UNC80: variants seen among roughly 807,000 people sequenced by gnomAD.
UNC80 encodes the protein unc-80 subunit of NALCN channel complex, also known as protein unc-80 homolog.
Under a neutral mutation model 384.6 loss-of-function variants are expected in UNC80, and 164 were observed. That is an observed-to-expected ratio of 0.43 (90% confidence interval 0.38 to 0.49). The LOEUF (loss-of-function observed/expected upper bound fraction) is 0.49, where lower values mean the gene tolerates loss of function less well. Ranked by LOEUF, UNC80 falls within the 20% of genes least tolerant of loss-of-function variation. UNC80 has a pLI of 0.00. For synonymous variants in UNC80, 1,486 were observed against 1,527.8 expected (o/e 0.97, Z 0.64); for missense variants, 3,330 against 4,143.0 (o/e 0.80, Z 5.39).
At position 209,817,911 on chromosome 2, in the gene UNC80, C is replaced by G. The variant is rs764424625; in HGVS notation, c.1652C>G (p.Pro551Arg). 3.2e-6 allele frequency: 5 copies of G among 1,551,502 alleles called. No homozygotes were observed. The highest frequency in any genetic ancestry group is 4.4e-6 in the Non-Finnish European group (5 of 1,146,986). Residue 551 changes from proline to arginine, a missense_variant, in exon 11 of 65, where the codon CCG becomes CGG. This residue lies in a region of UNC80 where 937 missense variants were observed against 1,026.8 expected (regional missense o/e 0.91). Transcript: ENST00000673920. ...HSHHTLVSDL[P>R]DPSNSHGENT... Reference sequence around the variant, plus strand: ...CATCACACCCTGGTAAGCGACCTGCCGGACCCCTCCAACAGCCATGGAGAA... The same window carrying G: ...CATCACACCCTGGTAAGCGACCTGCGGGACCCCTCCAACAGCCATGGAGAA...
rs1029508363 is a variant in UNC80, at chr2:209,917,769, G to C, written c.5030-8G>C. 3.9e-6 allele frequency: 6 copies of C among 1,551,678 alleles called. No homozygotes were observed. In the Admixed American group the frequency reaches 5.9e-5, roughly 15 times the overall value. ...AAGCATAGCTGATGAATTGTTGACT[G>C]TCTCTAGCTGCCATGTTCCTGCTGT... On this transcript the variant is annotated splice_polypyrimidine_tract_variant and splice_region_variant and intron_variant, in intron 31 of 64. Coordinates refer to ENST00000673920, the MANE Select transcript of UNC80 (RefSeq NM_001371986.1).
At position 209,840,555 on chromosome 2, in the gene UNC80, G is replaced by A. The variant is rs116304707; in HGVS notation, c.3264G>A (p.Lys1088=). ...KLKLPIGNWL[K]RSSLSGLADG... is the part of the protein sequence containing the mutation. ...ACTATTAAATAGGGAACTGGCTGAAGAGATCATCCCTCTCAGGCCTGGCAG... is the reference window on the plus strand; with the variant it reads ...ACTATTAAATAGGGAACTGGCTGAAAAGATCATCCCTCTCAGGCCTGGCAG... Residue 1088 remains lysine (K), a synonymous_variant, in exon 20 of 65, where the codon AAG becomes AAA. Coordinates refer to ENST00000673920, the MANE Select transcript of UNC80 (RefSeq NM_001371986.1). 4,047 of 1,551,686 alleles carry A rather than the reference G, an allele frequency of 2.6e-3. 98 individuals carry two copies. In the African/African-American group the frequency reaches 0.044, roughly 17 times the overall value.
At position 209,804,852 on chromosome 2, in the gene UNC80, G is replaced by A. The variant is rs557278641; in HGVS notation, c.939-8728G>A. 2.6e-5 allele frequency among the ~76,000 whole-genome samples: 4 copies of A among 151,180 alleles called. No individual in the cohort carries two copies. The South Asian group carries it at 6.3e-4, about 24-fold the overall frequency. On this transcript the variant is annotated intron_variant, in intron 7 of 64. Coordinates refer to ENST00000673920, the MANE Select transcript of UNC80 (RefSeq NM_001371986.1). The stretch of plus-strand genomic sequence containing the variant: ...GCAATCTCGGCTCACTGCAAGCTCC[G>A]AAAGGGCCTTTTATCTAATGGAACG...
intron 6 of UNC80, among the ~76,000 whole-genome samples, chr2:209,789,826 C>T (rs548554146): frequency 7.9e-5 from 12 of 151,918 alleles, no homozygotes; most frequent in African/African-American, 2.7e-4. Flanking sequence ...AGACCATATA[C>T]GACTAGTATT....
chr2:209,995,377 G>A lies in UNC80; in HGVS notation c.9757G>A (p.Ala3253Thr), dbSNP rs1386387537. Residue 3253 changes from alanine to threonine, a missense_variant, in exon 65 of 65, where the codon GCA (alanine) becomes ACA (threonine). Coordinates refer to ENST00000673920, the MANE Select transcript of UNC80 (RefSeq NM_001371986.1). ...EEGEKEEDTE[A>T]QGATAHSPLS... ...AGGAGAAAAGGAGGAGGACACAGAA[G>A]CACAAGGTGCTACTGCACACAGTCC... 6.4e-7 allele frequency: 1 copy of A among 1,552,170 alleles called. No individual in the cohort carries two copies.
At chr2:209,987,963 C>G (rs2093322359) in intron 61 of UNC80, among the ~76,000 whole-genome samples, 1 of 152,116 alleles carries the variant, frequency 6.6e-6, no homozygotes, top group African/African-American at 2.4e-5. Context: ...TTTGCCATTG[C>G]TAAATCAATT....
Position 209,997,384 on chromosome 2 carries a change from T to C in UNC80, c.*1789T>C, listed in dbSNP as rs1353615931. On this transcript the variant is annotated 3_prime_UTR_variant, in exon 65 of 65. Transcript: ENST00000673920. ...CTGATATATTTCACCTGTTAAAAAT[T>C]ATGCTGCTAAATTAGCATTAGAGGC... 6.6e-6 allele frequency: 1 copy of C among 152,220 alleles called. No individual in the cohort carries two copies. Among genetic ancestry groups the C allele is most frequent in the Non-Finnish European group, 1.5e-5 (1 of 68,030 alleles). The allele number at this position is 152,220 out of a possible 1,614,324, so 9.4% of individuals were successfully genotyped here.
At chr2:209,855,626 T>C (rs2082854965) in intron 22 of UNC80, among the ~76,000 whole-genome samples, 1 of 152,208 alleles carries the variant, frequency 6.6e-6, no homozygotes. Context: ...ACTGCTCTTC[T>C]GAACTTTATT....
At position 209,945,854 on chromosome 2, in the gene UNC80, C is replaced by T. The variant is rs1227441214; in HGVS notation, c.7197C>T (p.Cys2399=). 4 of 1,551,200 alleles carry T rather than the reference C, an allele frequency of 2.6e-6. No homozygotes were observed. The highest frequency in any genetic ancestry group is 2.0e-5 in the Admixed American group (1 of 50,968). ...AEKPLKSLDF[C]YGNEDLTFSI... is the part of the protein sequence containing the mutation. ...TACTTTTTGTTCCTTCAGATTTCTG[C>T]TATGGAAACGAAGATCTGACATTTT... is the stretch of plus-strand genomic sequence containing the variant. The change falls in exon 47 of 65, where the codon TGC becomes TGT. Residue 2399 remains cysteine (C), a synonymous_variant. Transcript: ENST00000673920.
At chr2:209,867,443 C>T (rs139756192) in intron 22 of UNC80, among the ~76,000 whole-genome samples, 268 of 152,106 alleles carry the variant, frequency 1.8e-3, no homozygotes, top group African/African-American at 5.8e-3. Context: ...AGCCCATTCT[C>T]GGTGCTCCAA....
chr2:209,958,597 A>G (rs1393039673), intron 49 of UNC80, among the ~76,000 whole-genome samples: 1 of 152,186 alleles, frequency 6.6e-6, no homozygotes, highest in Non-Finnish European at 1.5e-5. Flanking sequence ...TTCCTATATT[A>G]AGGGAAAATG....
intron 22 of UNC80, among the ~76,000 whole-genome samples, chr2:209,862,648 G>GTTTTTTTTTTT (rs1430015087): frequency 2.9e-5 from 3 of 102,722 alleles, no homozygotes; most frequent in Admixed American, 1.8e-4. Context: ...TGCAACCTCT[G>GTTTTTTTTTTT]CTTTTTTTTT....
At position 209,995,494 on chromosome 2, in the gene UNC80, G is replaced by A; in HGVS notation, c.9874G>A (p.Glu3292Lys). 1 of 1,551,834 alleles carries A rather than the reference G, an allele frequency of 6.4e-7. No individual in the cohort carries two copies. The highest frequency in any genetic ancestry group is 8.7e-7 in the Non-Finnish European group (1 of 1,147,032). The part of the protein sequence containing the change: ...QHGDTVLHIS[E>K]ENGMENPLLS... ...TGGAGACACTGTCCTTCATATCAGT[G>A]AGGAAAATGGCATGGAGAACCCGCT... The change falls in exon 65 of 65, where the codon GAG (glutamate) becomes AAG (lysine). Residue 3292 changes from glutamate to lysine, a missense_variant. By Grantham distance (56) the Glu-to-Lys change is moderately conservative. Transcript: ENST00000673920.
chr2:209,939,895 ACAGTGCTGTAAAAC>A (rs759926425), intron 43 of UNC80, among the ~76,000 whole-genome samples: 3 of 152,202 alleles, frequency 2.0e-5, no homozygotes, highest in African/African-American at 7.2e-5. Flanking sequence ...GAATCAGCAG[ACAGTGCTGTAAAAC>A]CAGTGCTTCT....
intron 47 of UNC80, among the ~76,000 whole-genome samples, chr2:209,948,938 T>A (rs2092031551): frequency 1.3e-5 from 2 of 152,182 alleles, no homozygotes; most frequent in African/African-American, 4.8e-5. Context: ...AATGTTCCTC[T>A]CTATTTATAG....
rs1245112974 is a variant in UNC80, at chr2:209,896,432, A to G, written c.4581+19A>G. On this transcript the variant is annotated intron_variant, in intron 28 of 64. Coordinates refer to ENST00000673920, the MANE Select transcript of UNC80 (RefSeq NM_001371986.1). The stretch of plus-strand genomic sequence containing the variant: ...GCTTCATGTAAGTAGGAATCTCAGA[A>G]ACAGCCCTGAGATCAATTTCTTTTG... 11 of 1,538,112 alleles carry G rather than the reference A, an allele frequency of 7.2e-6. No homozygotes were observed. The highest frequency in any genetic ancestry group is 9.7e-6 in the Non-Finnish European group (11 of 1,134,600).
Position 209,839,108 on chromosome 2 carries a change from C to CA in UNC80, c.3042-111dup. The CA allele has an allele frequency of 1.0e-6, 1 of 953,370 alleles. No individual in the cohort carries two copies. The highest frequency in any genetic ancestry group is 2.6e-5 in the East Asian group (1 of 38,070). The allele number at this position is 953,370 out of a possible 1,614,324, so 59.1% of individuals were successfully genotyped here. ...CCACTCTTCCCACATTTCAGCCCATCAAAGATCATTTTGCATGATTTGCCT... is the reference window on the plus strand; with the variant it reads ...CCACTCTTCCCACATTTCAGCCCATCAAAAGATCATTTTGCATGATTTGCCT... On this transcript the variant is annotated intron_variant, in intron 18 of 64. Transcript: ENST00000673920. The surrounding 1 kb of genome is among the most constrained non-coding windows in gnomAD (Gnocchi z 4.1).
rs1176432203 is a variant in UNC80, at chr2:209,922,133, C to A, written c.5531-119C>A. The A allele has an allele frequency of 5.0e-6, 6 of 1,194,602 alleles. No individual in the cohort carries two copies. In the African/African-American group the frequency reaches 9.2e-5, roughly 18 times the overall value. The allele number at this position is 1,194,602 out of a possible 1,614,324, so 74.0% of individuals were successfully genotyped here. A position where few individuals can be genotyped will look rare whatever the true frequency, so the allele number is the denominator to read the frequency against. ...TTATTTTTCCTTTTCTAAGTACACT[C>A]AAAATTATTTAAGCCTTATGGTCTG... On this transcript the variant is annotated intron_variant, in intron 34 of 64. Coordinates refer to ENST00000673920, the MANE Select transcript of UNC80 (RefSeq NM_001371986.1).
intron 22 of UNC80, among the ~76,000 whole-genome samples, chr2:209,865,477 C>T (rs13398209): frequency 0.16 from 24,331 of 151,590 alleles, 2,529 homozygotes; most frequent in African/African-American, 0.29. Context: ...TGGCGGACGC[C>T]TGTAGTCCCA....
Sources: gnomAD v4.1 joint callset for allele counts (sites outside exome capture counted in the v4.1 genomes callset) on GRCh38, gnomAD v4.1.1 for gene constraint, gnomAD v4.1.1 regional missense constraint, Gnocchi (gnomAD v3.1) non-coding constraint, MANE v1.5 for transcripts, NCBI Gene and HGNC (gene_info 2026-07-23, HGNC 2026-07-21) for gene names.